Variants in OR11H4 observed in about 807,000 individuals in gnomAD.
The protein encoded by OR11H4 is olfactory receptor 11H4.
For missense variants in OR11H4, 460 were observed against 371.1 expected (o/e 1.24, Z -1.97); for synonymous variants, 162 against 142.3 (o/e 1.14, Z -0.98).
Position 20,243,161 on chromosome 14 carries a change from T to C in OR11H4, c.340T>C (p.Phe114Leu), listed in dbSNP as rs748934909. Residue 114 changes from phenylalanine (F) to leucine (L), a missense_variant, in exon 2 of 2, where the codon TTT (phenylalanine) becomes CTT (leucine). Phe to Leu is a conservative substitution (Grantham distance 22, BLOSUM62 0). Coordinates refer to ENST00000641082, the MANE Select transcript of OR11H4 (RefSeq NM_001004479.2). ...TTCACTGGGAACAACTGAATGTCTC[T>C]TTCTGGCAGTAATGGCTTATGATCG... ...FFSLGTTECL[F>L]LAVMAYDRYL... The C allele has an allele frequency of 3.1e-6, 5 of 1,614,232 alleles. No individual in the cohort carries two copies. The highest frequency in any genetic ancestry group is 1.6e-4 in the Middle Eastern group (1 of 6,062).
intron 1 of OR11H4, among the ~76,000 whole-genome samples, chr14:20,241,954 C>A (rs8005314): frequency 0.9 from 136,217 of 151,996 alleles, 61,447 homozygotes; most frequent in Non-Finnish European, 0.92. Flanking sequence ...GCATTACTGC[C>A]AACATGTCTC....
At chr14:20,242,602 G>T (rs1022659498) in intron 1 of OR11H4, 13 of 595,340 alleles carry the variant, frequency 2.2e-5, no homozygotes, top group African/African-American at 7.4e-5. Flanking sequence ...TAGCTGCATT[G>T]GATTGCATTG....
In OR11H4 at chr14:20,243,986, A is replaced by G; in HGVS notation, c.*220A>G. 1 of 403,424 alleles carries G rather than the reference A, an allele frequency of 2.5e-6. No individual in the cohort carries two copies. Among genetic ancestry groups the G allele is most frequent in the Non-Finnish European group, 4.4e-6 (1 of 228,658 alleles). 25.0% of individuals were successfully genotyped at this position (403,424 alleles called of 1,614,324 possible). A position where few individuals can be genotyped will look rare whatever the true frequency, so the allele number is the denominator to read the frequency against. On this transcript the variant is annotated 3_prime_UTR_variant, in exon 2 of 2. Transcript: ENST00000641082. ...AGTTTTCAAAGCCTGTCTTTATTAG[A>G]ATGATAAAATGGAATTTCTACATGA...
chr14:20,241,882 G>A (rs932740395), intron 1 of OR11H4, among the ~76,000 whole-genome samples: 17 of 152,218 alleles, frequency 1.1e-4, no homozygotes, highest in Middle Eastern at 3.4e-3. Context: ...GGATGTGCAC[G>A]TAGGCCAGAT....
At chr14:20,241,589 T>C (rs1594242490) in intron 1 of OR11H4, among the ~76,000 whole-genome samples, 1 of 152,158 alleles carries the variant, frequency 6.6e-6, no homozygotes, top group East Asian at 1.9e-4. Context: ...CACCTGTGGG[T>C]ATTTCTGGTC....
rs368888113 is a variant in OR11H4, at chr14:20,243,254, G to A, written c.433G>A (p.Val145Met). ...GACTGTAAGGTTCTGTGGTAAGCTG[G>A]TGTCTTTCTGTTGGCTTATTGGATT... is the stretch of plus-strand genomic sequence containing the variant. Reference protein sequence around the residue: ...IMTVRFCGKLVSFCWLIGFLG... With the variant: ...IMTVRFCGKLMSFCWLIGFLG... The change falls in exon 2 of 2, where the codon GTG becomes ATG. Residue 145 changes from valine (V) to methionine (M), a missense_variant. Physicochemically the swap from Val to Met is conservative, Grantham distance 21. Coordinates refer to ENST00000641082, the MANE Select transcript of OR11H4 (RefSeq NM_001004479.2). 1.2e-6 allele frequency: 2 copies of A among 1,613,994 alleles called. 1 individual carries two copies. Among genetic ancestry groups the A allele is most frequent in the African/African-American group, 2.7e-5 (2 of 74,878 alleles).
rs369126947 is a variant in OR11H4 at position 20,242,085 on chromosome 14, A to G, written c.-11-726A>G. Among the ~76,000 whole-genome samples the G allele has an allele frequency of 2.0e-4, 30 of 152,006 alleles. 1 individual carries two copies. The South Asian group carries it at 4.4e-3, about 22-fold the overall frequency. On this transcript the variant is annotated intron_variant, in intron 1 of 1. Transcript: ENST00000641082. ...GGAGACAGTGGCCTTCCTCTATCTC[A>G]ACTGCAAGAGGCTTTCCTCTTTTAC...
intron 1 of OR11H4, among the ~76,000 whole-genome samples, chr14:20,240,414 C>T (rs1195273607): frequency 6.6e-6 from 1 of 152,110 alleles, no homozygotes; most frequent in East Asian, 1.9e-4. Context: ...TGTTGAGATT[C>T]AAATCTTCGT....
Position 20,239,513 on chromosome 14 carries a change from C to T in OR11H4, c.-12+182C>T, listed in dbSNP as rs568560922. 1.1e-4 allele frequency among the ~76,000 whole-genome samples: 17 copies of T among 151,896 alleles called. No individual in the cohort carries two copies. In the South Asian group the frequency reaches 3.1e-3, roughly 28 times the overall value. On this transcript the variant is annotated intron_variant, in intron 1 of 1. Transcript: ENST00000641082. ...ATCCAGACCATCCTGGCTAACACGG[C>T]GAAACCCCGTCTCTACTAAAAATAC... is the stretch of plus-strand genomic sequence containing the variant.
rs910610774 is a variant in OR11H4 at position 20,243,971 on chromosome 14, G to T, written c.*205G>T. 1.6e-5 allele frequency: 7 copies of T among 445,136 alleles called. No homozygotes were observed. Among genetic ancestry groups the T allele is most frequent in the African/African-American group, 1.2e-4 (6 of 50,066 alleles). The allele number at this position is 445,136 out of a possible 1,614,324, so 27.6% of individuals were successfully genotyped here. ...CAACATCCACTTAAAAGTTTTCAAAGCCTGTCTTTATTAGAATGATAAAAT... is the reference window on the plus strand; with the variant it reads ...CAACATCCACTTAAAAGTTTTCAAATCCTGTCTTTATTAGAATGATAAAAT... On this transcript the variant is annotated 3_prime_UTR_variant, in exon 2 of 2. Transcript: ENST00000641082.
intron 1 of OR11H4, among the ~76,000 whole-genome samples, chr14:20,242,111 T>A (rs868267478): frequency 6.6e-6 from 1 of 152,068 alleles, no homozygotes; most frequent in Non-Finnish European, 1.5e-5. Flanking sequence ...CCTCTTTTAC[T>A]AATCCACGTC....
In OR11H4 at chr14:20,243,563, G is replaced by A. The variant is rs1377970448; in HGVS notation, c.742G>A (p.Val248Ile). 5 of 1,613,354 alleles carry A rather than the reference G, an allele frequency of 3.1e-6. No individual in the cohort carries two copies. Among genetic ancestry groups the A allele is most frequent in the Non-Finnish European group, 4.2e-6 (5 of 1,179,762 alleles). ...TACCTGTGGTTCTCATTTGGTTGTGGTATCTCTTTTCTATGGGACAGTCAT... is the reference window on the plus strand; with the variant it reads ...TACCTGTGGTTCTCATTTGGTTGTGATATCTCTTTTCTATGGGACAGTCAT... ...FSTCGSHLVV[V>I]SLFYGTVMVM... The change falls in exon 2 of 2, where the codon GTA becomes ATA. Residue 248 changes from valine (V) to isoleucine (I), a missense_variant. Val to Ile is a conservative substitution (Grantham distance 29). Coordinates refer to ENST00000641082, the MANE Select transcript of OR11H4 (RefSeq NM_001004479.2).
intron 1 of OR11H4, among the ~76,000 whole-genome samples, chr14:20,241,516 A>G (rs1167944079): frequency 6.6e-6 from 1 of 152,212 alleles, no homozygotes; most frequent in Non-Finnish European, 1.5e-5. Flanking sequence ...ATCCAAGGAA[A>G]AGAAAGAAAA....
Position 20,244,237 on chromosome 14 carries a change from T to C in OR11H4, c.*471T>C, listed in dbSNP as rs1881008855. ...TACTTACAACAATAATATGTGATTG[T>C]TGTAATAAATTCAAGCAATTCAGAA... On this transcript the variant is annotated 3_prime_UTR_variant, in exon 2 of 2. Coordinates refer to ENST00000641082, the MANE Select transcript of OR11H4 (RefSeq NM_001004479.2). 1 of 152,784 alleles carries C rather than the reference T, an allele frequency of 6.5e-6. No homozygotes were observed. Among genetic ancestry groups the C allele is most frequent in the South Asian group, 2.1e-4 (1 of 4,824 alleles). The allele number at this position is 152,784 out of a possible 1,614,324, so 9.5% of individuals were successfully genotyped here.
rs201343049 is a variant in OR11H4 at position 20,242,994 on chromosome 14, C to G, written c.173C>G (p.Pro58Arg). Residue 58 changes from proline to arginine, a missense_variant, in exon 2 of 2, where the codon CCC becomes CGC. Physicochemically the swap from Pro to Arg is moderately radical, Grantham distance 103. Transcript: ENST00000641082. ...AGATGCAACCCACTACTACACACCCCCATGTACTTTCTGCTGGGAAATTTT... is the reference window on the plus strand; with the variant it reads ...AGATGCAACCCACTACTACACACCCGCATGTACTTTCTGCTGGGAAATTTT... ...AVRCNPLLHT[P>R]MYFLLGNFAF... is the part of the protein sequence containing the mutation. The G allele has an allele frequency of 6.3e-5, 101 of 1,613,976 alleles. No homozygotes were observed. The highest frequency in any genetic ancestry group is 2.6e-5 in the Non-Finnish European group (31 of 1,180,026).
At position 20,242,887 on chromosome 14, in the gene OR11H4, G is replaced by C; in HGVS notation, c.66G>C (p.Lys22Asn). The C allele has an allele frequency of 6.2e-7, 1 of 1,614,138 alleles. No individual in the cohort carries two copies. The highest frequency in any genetic ancestry group is 8.5e-7 in the Non-Finnish European group (1 of 1,180,014). The change falls in exon 2 of 2, where the codon AAG becomes AAC. Residue 22 changes from lysine (K) to asparagine (N), a missense_variant. By Grantham distance (94) the Lys-to-Asn change is moderately conservative. Transcript: ENST00000641082. ...TCCTGGGATTCCCTGGTTGCTGGAA[G>C]ATTCAGATTTTCCTCTTCTCATTGT... ...FILLGFPGCW[K>N]IQIFLFSLFL...
At chr14:20,242,759 T>C (rs756808055) in intron 1 of OR11H4, 52 bp from the exon 2 acceptor site, 1 of 1,575,926 alleles carries the variant, frequency 6.3e-7, no homozygotes. Context: ...AGCAAGCAAT[T>C]GGATTACACT....
At chr14:20,241,277 G>A (rs1178625455) in intron 1 of OR11H4, among the ~76,000 whole-genome samples, 8 of 152,054 alleles carry the variant, frequency 5.3e-5, no homozygotes, top group Non-Finnish European at 7.4e-5. Context: ...AAACACTGCC[G>A]TTCGTTAGAG....
At chr14:20,241,836 ATGTC>A (rs1880930594) in intron 1 of OR11H4, among the ~76,000 whole-genome samples, 3 of 152,204 alleles carry the variant, frequency 2.0e-5, no homozygotes, top group East Asian at 3.9e-4. Flanking sequence ...AGAAGAATCT[ATGTC>A]ATAATTAAGT....
Sources: allele counts gnomAD v4.1 joint callset (sites outside exome capture counted in the v4.1 genomes callset), GRCh38; gene constraint gnomAD v4.1.1; transcripts MANE v1.5; gene names NCBI Gene and HGNC (gene_info 2026-07-23, HGNC 2026-07-21).